Variants in PDGFD observed in about 807,000 individuals in gnomAD.
PDGFD encodes the protein platelet-derived growth factor D.
PDGFD carries 30 observed loss-of-function variants against 44.7 expected under a neutral mutation model. The observed-to-expected ratio is 0.67, with a 90% CI of 0.50 to 0.91. PDGFD has a LOEUF of 0.91. Among genes scored for constraint, PDGFD ranks in the 40% least tolerant of loss-of-function variants. The pLI is 0.00. For missense variants in PDGFD, 445 were observed against 457.8 expected, an observed-to-expected ratio of 0.97 and a Z score of 0.25; for synonymous variants, 173 against 168.4, an observed-to-expected ratio of 1.03 and a Z score of -0.21.
chr11:104,105,668 T>C (rs1045411897), intron 1 of PDGFD, among the ~76,000 whole-genome samples: 3 of 152,060 alleles, frequency 2.0e-5, no homozygotes, highest in African/African-American at 4.8e-5. Context: ...TGATGGCTCA[T>C]ATAATTCAGC....
In PDGFD at chr11:104,109,896, C is replaced by T. The variant is rs990233084; in HGVS notation, c.124+53908G>A. On this transcript the variant is annotated intron_variant, in intron 1 of 6. Transcript: ENST00000393158. ...TGCCTGGTATTCTGTGCTCAGTGCA[C>T]CTCTCATCACCTTGAGCAGGTCATT... 2.0e-5 allele frequency among the ~76,000 whole-genome samples: 3 copies of T among 152,072 alleles called. No homozygotes were observed. In the South Asian group the frequency reaches 6.2e-4, roughly 32 times the overall value.
chr11:104,112,921 C>A (rs1385098759), intron 1 of PDGFD, among the ~76,000 whole-genome samples: 1 of 151,892 alleles, frequency 6.6e-6, no homozygotes, highest in East Asian at 1.9e-4. Context: ...GGAAAATAAC[C>A]AATGGGTACT....
intron 1 of PDGFD, among the ~76,000 whole-genome samples, chr11:104,078,082 C>T (rs1860992757): frequency 6.6e-6 from 1 of 152,132 alleles, no homozygotes; most frequent in African/African-American, 2.4e-5. Context: ...CCACTGTGCA[C>T]CTCAGACCTT....
intron 1 of PDGFD, among the ~76,000 whole-genome samples, chr11:104,027,017 G>A (rs1300010693): frequency 3.3e-5 from 5 of 152,070 alleles, no homozygotes; most frequent in Non-Finnish European, 5.9e-5. Flanking sequence ...TCATTGTGTT[G>A]TGTCTGCTTA....
chr11:103,945,941 A>G (rs1313696148), intron 4 of PDGFD: 1 of 152,228 alleles, frequency 6.6e-6, no homozygotes. Flanking sequence ...AGCTGAGGAA[A>G]TATTTATGAA....
rs1424736218 is a variant in PDGFD at position 104,045,671 on chromosome 11, G to GTTTTTTTTTTTTTTTTTTTTTTTTT, written c.125-45417_125-45416insAAAAAAAAAAAAAAAAAAAAAAAAA. ...TCTGAAAGCAAATCCTAGGTTTTGA[G>GTTTTTTTTTTTTTTTTTTTTTTTTT]TTTTTTAAGAGAATATTTGAACAAA... On this transcript the variant is annotated intron_variant, in intron 1 of 6. Transcript: ENST00000393158. Among the ~76,000 whole-genome samples the GTTTTTTTTTTTTTTTTTTTTTTTTT allele has an allele frequency of 2.7e-5, 4 of 148,250 alleles. 1 individual carries two copies. Among genetic ancestry groups the GTTTTTTTTTTTTTTTTTTTTTTTTT allele is most frequent in the African/African-American group, 7.4e-5 (3 of 40,778 alleles).
chr11:103,965,211 A>C (rs1324293274), intron 3 of PDGFD, among the ~76,000 whole-genome samples: 2 of 152,192 alleles, frequency 1.3e-5, no homozygotes, highest in Non-Finnish European at 2.9e-5. Context: ...TTATCAGTTA[A>C]GACGGCTCTT....
chr11:104,136,034 G>C (rs17102052), intron 1 of PDGFD, among the ~76,000 whole-genome samples: 19,799 of 152,112 alleles, frequency 0.13, 1,429 homozygotes, highest in East Asian at 0.29. Context: ...GGACCTCCAG[G>C]GAACAGGTGA....
At chr11:104,147,279 G>A (rs1305018134) in intron 1 of PDGFD, among the ~76,000 whole-genome samples, 1 of 152,010 alleles carries the variant, frequency 6.6e-6, no homozygotes, top group Non-Finnish European at 1.5e-5. Context: ...TCCACAAATA[G>A]AAGAAATAAA....
intron 1 of PDGFD, among the ~76,000 whole-genome samples, chr11:104,119,645 TA>T (rs1387857211): frequency 1.6e-3 from 21 of 13,404 alleles, no homozygotes; most frequent in African/African-American, 2.9e-3. Context: ...TATAATATAT[TA>T]ATAGATATAT....
chr11:104,134,071 G>T (rs1343737816), intron 1 of PDGFD, among the ~76,000 whole-genome samples: 1 of 151,532 alleles, frequency 6.6e-6, no homozygotes, highest in Non-Finnish European at 1.5e-5. Flanking sequence ...CAATAATAAA[G>T]TAGGAAGCAT....
chr11:103,935,552 C>T (rs1202663880), intron 5 of PDGFD, among the ~76,000 whole-genome samples: 1 of 152,058 alleles, frequency 6.6e-6, no homozygotes. Flanking sequence ...AAGTTTAGTA[C>T]TTGGAGATAA....
At chr11:103,922,510 C>T (rs979173848) in intron 6 of PDGFD, among the ~76,000 whole-genome samples, 7 of 151,726 alleles carry the variant, frequency 4.6e-5, no homozygotes, top group African/African-American at 1.2e-4. Flanking sequence ...GACCCTCATG[C>T]GAGAGGTGCC....
intron 1 of PDGFD, among the ~76,000 whole-genome samples, chr11:104,102,558 C>T (rs907048948): frequency 1.3e-5 from 2 of 152,116 alleles, no homozygotes; most frequent in Non-Finnish European, 2.9e-5. Context: ...TACCATTTGA[C>T]CCAGCCATTC....
intron 6 of PDGFD, among the ~76,000 whole-genome samples, chr11:103,910,731 T>A (rs1454537078): frequency 7.8e-6 from 1 of 127,710 alleles, no homozygotes; most frequent in Admixed American, 7.7e-5. Flanking sequence ...CAGTGGCGCC[T>A]GGAATGCCAG....
chr11:103,937,339 C>T (rs1858505102), intron 5 of PDGFD, among the ~76,000 whole-genome samples: 1 of 152,084 alleles, frequency 6.6e-6, no homozygotes, highest in African/African-American at 2.4e-5. Context: ...GGTGAACACA[C>T]TATCATTCTA....
At chr11:104,060,958 C>T (rs1860705107) in intron 1 of PDGFD, among the ~76,000 whole-genome samples, 2 of 152,110 alleles carry the variant, frequency 1.3e-5, no homozygotes, top group Non-Finnish European at 2.9e-5. Flanking sequence ...TCTAATTTTT[C>T]ATCACTTCAA....
chr11:104,150,425 C>A (rs1310174119), intron 1 of PDGFD, among the ~76,000 whole-genome samples: 1 of 152,162 alleles, frequency 6.6e-6, no homozygotes, highest in Admixed American at 6.5e-5. Flanking sequence ...GGTTGGGAAA[C>A]TGGGCTGAAC....
At chr11:103,913,803 A>C (rs1270590196) in intron 6 of PDGFD, among the ~76,000 whole-genome samples, 1 of 152,224 alleles carries the variant, frequency 6.6e-6, no homozygotes, top group Non-Finnish European at 1.5e-5. Context: ...GCAATAAAAA[A>C]TGATAAAGGG....
Sources: gnomAD v4.1 joint callset for allele counts (sites outside exome capture counted in the v4.1 genomes callset) on GRCh38, gnomAD v4.1.1 for gene constraint, MANE v1.5 for transcripts, NCBI Gene and HGNC (gene_info 2026-07-23, HGNC 2026-07-21) for gene names.